DAZAP1: variants seen among roughly 807,000 people sequenced by gnomAD.
The protein encoded by DAZAP1 is DAZ-associated protein 1.
In DAZAP1, 6 loss-of-function variants were observed where a neutral mutation model predicts 60.1. The ratio of observed to expected loss-of-function variants is 0.10; its 90% CI spans 0.05 to 0.20. The LOEUF (loss-of-function observed/expected upper bound fraction) is 0.20, where lower values mean the gene tolerates loss of function less well. Among genes scored for constraint, DAZAP1 ranks in the 10% least tolerant of loss-of-function variants. DAZAP1 has a pLI of 1.00. For synonymous variants in DAZAP1, 235 were observed against 215.9 expected (o/e 1.09, Z -0.78); for missense variants, 366 against 560.4 (o/e 0.65, Z 3.50).
chr19:1,408,362 T>A (rs1052853768), intron 1 of DAZAP1, among the ~76,000 whole-genome samples: 2 of 151,826 alleles, frequency 1.3e-5, no homozygotes, highest in South Asian at 4.2e-4. Flanking sequence ...CGCCGCCGCC[T>A]CCCGGCTTCC....
intron 10 of DAZAP1, 30 bp downstream of exon 10, chr19:1,430,392 T>G: frequency 2.0e-6 from 3 of 1,468,870 alleles, no homozygotes; most frequent in Non-Finnish European, 2.7e-6. Context: ...TGGGAGGGCC[T>G]CCCGCCTGCT....
Position 1,433,717 on chromosome 19 carries a change from C to T in DAZAP1, c.1049-1020C>T, listed in dbSNP as rs1412677114. 1.2e-6 allele frequency: 2 copies of T among 1,609,442 alleles called. No individual in the cohort carries two copies. The highest frequency in any genetic ancestry group is 8.5e-7 in the Non-Finnish European group (1 of 1,176,568). On this transcript the variant is annotated intron_variant, in intron 11 of 11. Coordinates refer to ENST00000233078, the MANE Select transcript of DAZAP1 (RefSeq NM_018959.4). This position sits in a 1 kb window ranked among gnomAD's most constrained non-coding sequence, Gnocchi z 6.1. Reference sequence around the variant, plus strand: ...TGGTGGCGGCTGCTTGGGTTGGTCACCCTGGTCTCGTCTCTTGCCAGGCCT... The same window carrying T: ...TGGTGGCGGCTGCTTGGGTTGGTCATCCTGGTCTCGTCTCTTGCCAGGCCT...
At chr19:1,410,312 CCT>C (rs1307603782) in intron 1 of DAZAP1, among the ~76,000 whole-genome samples, 1 of 152,040 alleles carries the variant, frequency 6.6e-6, no homozygotes, top group African/African-American at 2.4e-5. Flanking sequence ...GTGGGGAGTC[CCT>C]CTCTGGATCC....
rs1160115630 is a variant in DAZAP1, at chr19:1,430,312, T to A, written c.821T>A (p.Phe274Tyr). Residue 274 changes from phenylalanine (F) to tyrosine (Y), a missense_variant, in exon 10 of 12, where the codon TTT becomes TAT. Phe to Tyr is a conservative substitution (Grantham distance 22, BLOSUM62 3). Around this residue, in one of 3 missense-constraint regions of DAZAP1, gnomAD observed 240 missense variants for 308.8 expected, o/e 0.78. Coordinates refer to ENST00000233078, the MANE Select transcript of DAZAP1 (RefSeq NM_018959.4). ...SYIVSTPPGGFPPPQGFPQGY... is the reference protein window; with the variant it reads ...SYIVSTPPGGYPPPQGFPQGY... ...ATCGTGTCCACCCCTCCTGGAGGCT[T>A]TCCCCCTCCCCAGGGCTTCCCTCAG... 6.4e-7 allele frequency: 1 copy of A among 1,562,416 alleles called. No homozygotes were observed. Among genetic ancestry groups the A allele is most frequent in the Non-Finnish European group, 8.7e-7 (1 of 1,155,910 alleles).
At position 1,432,502 on chromosome 19, in the gene DAZAP1, G is replaced by T. The variant is rs765965022; in HGVS notation, c.872-12G>T. On this transcript the variant is annotated splice_polypyrimidine_tract_variant and intron_variant, in intron 10 of 11. Transcript: ENST00000233078. This position sits in a 1 kb window ranked among gnomAD's most constrained non-coding sequence, Gnocchi z 4.9. ...AACGTGTCTTGTGCCTTGCCCTCTT[G>T]TACCTCTGCAGGTTTTGGCTACGGG... is the stretch of plus-strand genomic sequence containing the variant. The T allele has an allele frequency of 6.2e-7, 1 of 1,613,668 alleles. No individual in the cohort carries two copies. Among genetic ancestry groups the T allele is most frequent in the South Asian group, 1.1e-5 (1 of 91,066 alleles).
chr19:1,417,142 C>T, intron 1 of DAZAP1: 1 of 277,588 alleles, frequency 3.6e-6, no homozygotes, highest in Non-Finnish European at 6.8e-6. Flanking sequence ...TTATAAAATA[C>T]TCGCAAAAGC....
Position 1,418,083 on chromosome 19 carries a change from TG to T in DAZAP1, c.71-120del. ...CTTCCCGTACACCCCCCACCCCCAGTGCAGCATCGCTCGGTGCGTGGCTGGT... is the reference window on the plus strand; with the variant it reads ...CTTCCCGTACACCCCCCACCCCCAGTCAGCATCGCTCGGTGCGTGGCTGGT... On this transcript the variant is annotated intron_variant, in intron 2 of 11. Coordinates refer to ENST00000233078, the MANE Select transcript of DAZAP1 (RefSeq NM_018959.4). The surrounding 1 kb of genome is among the most constrained non-coding windows in gnomAD (Gnocchi z 5.7). 1 of 991,724 alleles carries T rather than the reference TG, an allele frequency of 1.0e-6. No individual in the cohort carries two copies. The highest frequency in any genetic ancestry group is 1.5e-6 in the Non-Finnish European group (1 of 656,052). 61.4% of individuals were successfully genotyped at this position (991,724 alleles called of 1,614,324 possible). A position where few individuals can be genotyped will look rare whatever the true frequency, so the allele number is the denominator to read the frequency against.
rs372230795 is a variant in DAZAP1, at chr19:1,422,261, T to C, written c.415-87T>C. 1,108 of 1,274,302 alleles carry C rather than the reference T, an allele frequency of 8.7e-4. 11 individuals are homozygous for C. In the Admixed American group the frequency reaches 0.016, roughly 18 times the overall value. The allele number at this position is 1,274,302 out of a possible 1,614,324, so 78.9% of individuals were successfully genotyped here. On this transcript the variant is annotated intron_variant, in intron 5 of 11. Transcript: ENST00000233078. This position sits in a 1 kb window ranked among gnomAD's most constrained non-coding sequence, Gnocchi z 4.5. ...GGAGGGCGCACCCTGTGCGAGAGTT[T>C]GGGTTCGTGGGAACAGGCTGTGCCC...
At chr19:1,429,125 C>A in intron 8 of DAZAP1, 130 bp downstream of exon 8, 1 of 1,210,388 alleles carries the variant, frequency 8.3e-7, no homozygotes, top group Non-Finnish European at 1.1e-6. Context: ...TTCACAGTGT[C>A]CTTGAGCCCC....
chr19:1,418,420 T>C lies in DAZAP1; in HGVS notation c.237+50T>C, dbSNP rs574249621. 6.3e-7 allele frequency: 1 copy of C among 1,594,358 alleles called. No individual in the cohort carries two copies. The highest frequency in any genetic ancestry group is 2.2e-5 in the East Asian group (1 of 44,550). ...ACCCGCTCTCTGTCTCCCCTGTCCT[T>C]CCTCTGCTTCATTTTTTCCTGGACT... On this transcript the variant is annotated intron_variant, in intron 3 of 11. Coordinates refer to ENST00000233078, the MANE Select transcript of DAZAP1 (RefSeq NM_018959.4). This position sits in a 1 kb window ranked among gnomAD's most constrained non-coding sequence, Gnocchi z 5.7.
At chr19:1,410,381 T>C (rs2082793064) in intron 1 of DAZAP1, among the ~76,000 whole-genome samples, 1 of 152,096 alleles carries the variant, frequency 6.6e-6, no homozygotes, top group South Asian at 2.1e-4. Context: ...TGTCCTCCTT[T>C]GGGAGCGGGG....
At position 1,433,193 on chromosome 19, in the gene DAZAP1, G is replaced by A. The variant is rs1307315486; in HGVS notation, c.1048+503G>A. 1 of 186,102 alleles carries A rather than the reference G, an allele frequency of 5.4e-6. No individual in the cohort carries two copies. Among genetic ancestry groups the A allele is most frequent in the Non-Finnish European group, 1.1e-5 (1 of 88,788 alleles). The allele number at this position is 186,102 out of a possible 1,614,324, so 11.5% of individuals were successfully genotyped here. A position where few individuals can be genotyped will look rare whatever the true frequency, so the allele number is the denominator to read the frequency against. ...TCGTGGCTTGGGTCTGCCTGGACGT[G>A]ATCTGCAGGCAGCGCATGTGCTTCC... On this transcript the variant is annotated intron_variant, in intron 11 of 11. Transcript: ENST00000233078. This position sits in a 1 kb window ranked among gnomAD's most constrained non-coding sequence, Gnocchi z 6.1.
chr19:1,430,414 A>G, intron 10 of DAZAP1, 52 bp downstream of exon 10: 1 of 1,448,102 alleles, frequency 6.9e-7, no homozygotes, highest in Non-Finnish European at 9.1e-7. Context: ...CGGAGATGCC[A>G]GGTGGTGGGC....
Position 1,432,308 on chromosome 19 carries a change from C to T in DAZAP1, c.872-206C>T. On this transcript the variant is annotated intron_variant, in intron 10 of 11. Coordinates refer to ENST00000233078, the MANE Select transcript of DAZAP1 (RefSeq NM_018959.4). The surrounding 1 kb of genome is among the most constrained non-coding windows in gnomAD (Gnocchi z 4.9). ...CTGCAGCTCAGCATCCCGCCACGCTCCCAGGAGTGTGTGTTTCCTGGGGGG... is the reference window on the plus strand; with the variant it reads ...CTGCAGCTCAGCATCCCGCCACGCTTCCAGGAGTGTGTGTTTCCTGGGGGG... 1 of 619,498 alleles carries T rather than the reference C, an allele frequency of 1.6e-6. No homozygotes were observed. Among genetic ancestry groups the T allele is most frequent in the Non-Finnish European group, 2.9e-6 (1 of 349,696 alleles). 38.4% of individuals were successfully genotyped at this position (619,498 alleles called of 1,614,324 possible).
intron 1 of DAZAP1, among the ~76,000 whole-genome samples, chr19:1,408,385 C>T (rs1488926643): frequency 6.6e-6 from 1 of 152,164 alleles, no homozygotes; most frequent in Non-Finnish European, 1.5e-5. Flanking sequence ...GCCAGGGGGA[C>T]CCCAAACTGT....
chr19:1,411,050 G>T (rs1015154680), intron 1 of DAZAP1, among the ~76,000 whole-genome samples: 2 of 152,212 alleles, frequency 1.3e-5, no homozygotes, highest in Admixed American at 6.5e-5. Flanking sequence ...GGCCCCTAGA[G>T]GCCGTGACTA....
chr19:1,418,298 T>C lies in DAZAP1; in HGVS notation c.165T>C (p.Phe55=). 1 of 1,614,198 alleles carries C rather than the reference T, an allele frequency of 6.2e-7. No homozygotes were observed. Among genetic ancestry groups the C allele is most frequent in the Admixed American group, 1.7e-5 (1 of 60,022 alleles). Residue 55 remains phenylalanine (F), a synonymous_variant, in exon 3 of 12, where the codon TTT becomes TTC. Coordinates refer to ENST00000233078, the MANE Select transcript of DAZAP1 (RefSeq NM_018959.4). The surrounding 1 kb of genome is among the most constrained non-coding windows in gnomAD (Gnocchi z 5.7). ...KTTNQSRGFG[F]VKFKDPNCVG... ...CCAACCAGTCTCGAGGCTTTGGGTT[T>C]GTCAAATTTAAAGACCCAAACTGTG...
At chr19:1,417,146 C>T (rs1463205055) in intron 1 of DAZAP1, 1 of 313,824 alleles carries the variant, frequency 3.2e-6, no homozygotes, top group South Asian at 3.3e-5. Context: ...AAAATACTCG[C>T]AAAAGCTGTA....
intron 4 of DAZAP1, among the ~76,000 whole-genome samples, chr19:1,419,758 G>A (rs1052243004): frequency 7.2e-5 from 11 of 151,982 alleles, no homozygotes; most frequent in South Asian, 2.1e-4. Flanking sequence ...CATCCCGACC[G>A]TCACGGCAGC....
Sources: gnomAD v4.1 joint callset for allele counts (sites outside exome capture counted in the v4.1 genomes callset) on GRCh38, gnomAD v4.1.1 for gene constraint, gnomAD v4.1.1 regional missense constraint, Gnocchi (gnomAD v3.1) non-coding constraint, MANE v1.5 for transcripts, NCBI Gene and HGNC (gene_info 2026-07-23, HGNC 2026-07-21) for gene names.